Variants in IQSEC1 observed in about 807,000 individuals in gnomAD.
IQSEC1 encodes the protein IQ motif and Sec7 domain ArfGEF 1, also known as IQ motif and SEC7 domain-containing protein 1.
IQSEC1 carries 31 observed loss-of-function variants against 91.0 expected under a neutral mutation model. The ratio of observed to expected loss-of-function variants is 0.34; its 90% CI spans 0.26 to 0.46. The LOEUF (loss-of-function observed/expected upper bound fraction) is 0.46, where lower values mean the gene tolerates loss of function less well. Ranked by LOEUF, IQSEC1 falls within the 20% of genes least tolerant of loss-of-function variation. The pLI is 1.00. For missense variants in IQSEC1, 1,388 were observed against 1,575.6 expected (o/e 0.88, Z 2.02); for synonymous variants, 699 against 662.6 (o/e 1.05, Z -0.84).
chr3:13,261,764 C>T (rs958757402), intron 1 of IQSEC1, among the ~76,000 whole-genome samples: 1 of 152,154 alleles, frequency 6.6e-6, no homozygotes, highest in Admixed American at 6.5e-5. Context: ...GTGAAATTCA[C>T]CCATGAAATT....
chr3:13,247,121 G>A (rs1057078791), intron 1 of IQSEC1, among the ~76,000 whole-genome samples: 5 of 152,116 alleles, frequency 3.3e-5, no homozygotes, highest in Admixed American at 6.5e-5. Flanking sequence ...GTCTGATACC[G>A]GACTTGCCTA....
chr3:13,234,115 A>G (rs1694880067), intron 1 of IQSEC1, among the ~76,000 whole-genome samples: 1 of 152,206 alleles, frequency 6.6e-6, no homozygotes. Context: ...TCGTGCTTCA[A>G]AACTTTGGCA....
intron 6 of IQSEC1, 43 bp from the exon 7 acceptor site, chr3:12,915,776 T>C: frequency 6.2e-7 from 1 of 1,601,044 alleles, no homozygotes; most frequent in Non-Finnish European, 8.5e-7. Flanking sequence ...GGCCCCAGGC[T>C]CACTCGATTT....
intron 1 of IQSEC1, among the ~76,000 whole-genome samples, chr3:13,189,048 C>T (rs1693978382): frequency 6.6e-6 from 1 of 152,262 alleles, no homozygotes; most frequent in East Asian, 1.9e-4. Flanking sequence ...TCACCTGTGT[C>T]CCAAATCTTT....
chr3:13,034,920 A>T (rs1181893771), intron 1 of IQSEC1, among the ~76,000 whole-genome samples: 1 of 152,226 alleles, frequency 6.6e-6, no homozygotes, highest in African/African-American at 2.4e-5. Context: ...GCTCCCAGGG[A>T]TCGGCCTCGC....
At chr3:12,946,069 G>C (rs1699157860) in intron 1 of IQSEC1, among the ~76,000 whole-genome samples, 2 of 152,124 alleles carry the variant, frequency 1.3e-5, no homozygotes, top group African/African-American at 4.8e-5. Flanking sequence ...CCCTTTCTAG[G>C]GCAGAAACAC....
upstream of IQSEC1, among the ~76,000 whole-genome samples, chr3:13,077,964 C>A (rs1343166161): frequency 6.6e-6 from 1 of 152,216 alleles, no homozygotes; most frequent in Non-Finnish European, 1.5e-5. Context: ...TGGCATCGGT[C>A]CCCACTTGCC....
intron 2 of IQSEC1, among the ~76,000 whole-genome samples, chr3:13,120,689 C>G (rs572461392): frequency 1.3e-5 from 2 of 152,300 alleles, no homozygotes; most frequent in East Asian, 3.9e-4. Flanking sequence ...GAGGGCCGAG[C>G]AACGACGGGC....
In IQSEC1 at chr3:12,935,407, G is replaced by C. The variant is rs377174084; in HGVS notation, c.1568+41C>G. ...ACGCCCACCCGCCAAGGCCCAGCAA[G>C]CCACAGCTGCCCACCCTGAGGGGTC... On this transcript the variant is annotated intron_variant, in intron 3 of 13. Coordinates refer to ENST00000613206, the MANE Select transcript of IQSEC1 (RefSeq NM_001134382.3). This position sits in a 1 kb window ranked among gnomAD's most constrained non-coding sequence, Gnocchi z 8.0. 7 of 1,574,154 alleles carry C rather than the reference G, an allele frequency of 4.4e-6. No homozygotes were observed. The African/African-American group carries it at 8.1e-5, about 18-fold the overall frequency.
intron 1 of IQSEC1, among the ~76,000 whole-genome samples, chr3:12,974,990 C>G (rs554282699): frequency 6.6e-6 from 1 of 152,364 alleles, no homozygotes; most frequent in South Asian, 2.1e-4. Flanking sequence ...CAGCAGATAT[C>G]CCAGCCCCGC....
At chr3:12,950,496 G>T (rs967291739) in intron 1 of IQSEC1, among the ~76,000 whole-genome samples, 1 of 152,058 alleles carries the variant, frequency 6.6e-6, no homozygotes, top group East Asian at 1.9e-4. Flanking sequence ...GCAAGACCCT[G>T]TCTCCACAAA....
chr3:13,104,993 G>A (rs1488313399), intron 2 of IQSEC1, among the ~76,000 whole-genome samples: 3 of 152,242 alleles, frequency 2.0e-5, no homozygotes, highest in Non-Finnish European at 2.9e-5. Context: ...GCCAATGCTA[G>A]TAGTTGATTA....
intron 1 of IQSEC1, among the ~76,000 whole-genome samples, chr3:12,962,332 C>A (rs1700292946): frequency 6.6e-6 from 1 of 152,202 alleles, no homozygotes; most frequent in Non-Finnish European, 1.5e-5. Flanking sequence ...CCCTCCCAGC[C>A]AGAAATAGAA....
At chr3:13,126,767 TATGCAATG>T (rs1187141853) in intron 2 of IQSEC1, among the ~76,000 whole-genome samples, 19 of 152,232 alleles carry the variant, frequency 1.2e-4, no homozygotes, top group Non-Finnish European at 2.8e-4. Flanking sequence ...ACTTCTTTAA[TATGCAATG>T]ATGCTGAGTA....
At chr3:13,119,455 C>T (rs922781759) in intron 2 of IQSEC1, among the ~76,000 whole-genome samples, 2 of 152,240 alleles carry the variant, frequency 1.3e-5, no homozygotes, top group African/African-American at 4.8e-5. Context: ...TGGTACTGAG[C>T]TGAGATGACC....
intron 1 of IQSEC1, among the ~76,000 whole-genome samples, chr3:12,996,170 CT>C (rs556555902): frequency 2.2e-4 from 32 of 148,018 alleles, no homozygotes; most frequent in African/African-American, 4.7e-4. Flanking sequence ...CTTAAAAACA[CT>C]TTTTTTTTTT....
intron 1 of IQSEC1, among the ~76,000 whole-genome samples, chr3:13,258,815 C>T (rs968335158): frequency 3.3e-5 from 5 of 152,222 alleles, no homozygotes; most frequent in Non-Finnish European, 4.4e-5. Flanking sequence ...ATCGCACCCT[C>T]GCCCCCCTCC....
At position 12,907,952 on chromosome 3, in the gene IQSEC1, T is replaced by C. The variant is rs373234827; in HGVS notation, c.2755+397A>G. Among the ~76,000 whole-genome samples, 6 of 152,046 alleles carry C rather than the reference T, an allele frequency of 3.9e-5. No homozygotes were observed. In the East Asian group the frequency reaches 1.2e-3, roughly 29 times the overall value. ...AGGGGGCGCCAGACAGATTAGAGGG[T>C]TCCGCGCAAGTTCATTCATCAGCAT... On this transcript the variant is annotated intron_variant, in intron 12 of 13. Coordinates refer to ENST00000613206, the MANE Select transcript of IQSEC1 (RefSeq NM_001134382.3).
At chr3:13,243,710 C>G (rs3894135) in intron 1 of IQSEC1, among the ~76,000 whole-genome samples, 34,280 of 151,238 alleles carry the variant, frequency 0.23, 6,898 homozygotes, top group African/African-American at 0.54. Flanking sequence ...TCTGGAGGGG[C>G]ATGTGGGCCC....
Sources: allele counts gnomAD v4.1 joint callset (sites outside exome capture counted in the v4.1 genomes callset), GRCh38; gene constraint gnomAD v4.1.1; non-coding constraint Gnocchi (gnomAD v3.1); transcripts MANE v1.5; gene names NCBI Gene and HGNC (gene_info 2026-07-23, HGNC 2026-07-21).